TENM4: variants seen among roughly 807,000 people sequenced by gnomAD.
TENM4 encodes the protein teneurin-4.
In TENM4, 82 loss-of-function variants were observed where a neutral mutation model predicts 243.3. The ratio of observed to expected loss-of-function variants is 0.34; its 90% confidence interval spans 0.28 to 0.40. TENM4 has a LOEUF of 0.40. Ranked by LOEUF, TENM4 falls within the 10% of genes least tolerant of loss-of-function variation. The pLI is 1.00. For synonymous variants in TENM4, 1,412 were observed against 1,456.3 expected (o/e 0.97, Z 0.69); for missense variants, 3,138 against 3,673.3 (o/e 0.85, Z 3.77).
rs1010459948 is a variant in TENM4 at position 78,653,845 on chromosome 11, A to G, written c.*4213T>C. On this transcript the variant is annotated 3_prime_UTR_variant, in exon 34 of 34. Transcript: ENST00000278550. ...CTCGCCTGGGCCTTCCCACACTCTG[A>G]TATTCCACATTCGTAATGAAACCTA... 1 of 152,282 alleles carries G rather than the reference A, an allele frequency of 6.6e-6. No homozygotes were observed. Among genetic ancestry groups the G allele is most frequent in the African/African-American group, 2.4e-5 (1 of 41,458 alleles). The allele number at this position is 152,282 out of a possible 1,614,324, so 9.4% of individuals were successfully genotyped here. A position where few individuals can be genotyped will look rare whatever the true frequency, so the allele number is the denominator to read the frequency against.
chr11:79,154,430 C>T (rs1008771609), intron 3 of TENM4, among the ~76,000 whole-genome samples: 1 of 152,168 alleles, frequency 6.6e-6, no homozygotes, highest in Non-Finnish European at 1.5e-5. Context: ...ACACCTCCCA[C>T]TAGGCCCACC....
intron 1 of TENM4, among the ~76,000 whole-genome samples, chr11:79,436,443 C>T (rs1859272454): frequency 6.6e-6 from 1 of 152,166 alleles, no homozygotes; most frequent in Non-Finnish European, 1.5e-5. Flanking sequence ...TGCCTAAGGC[C>T]ACAGAGCCAT....
At chr11:79,054,430 G>C (rs895001518) in intron 6 of TENM4, among the ~76,000 whole-genome samples, 2 of 152,070 alleles carry the variant, frequency 1.3e-5, no homozygotes, top group African/African-American at 4.8e-5. Context: ...GAATCATGGA[G>C]TTTTTGAGCT....
At chr11:79,052,945 G>A (rs1287290461) in intron 6 of TENM4, among the ~76,000 whole-genome samples, 1 of 152,182 alleles carries the variant, frequency 6.6e-6, no homozygotes. Flanking sequence ...TGGCAAGCAT[G>A]GTAACACATC....
intron 3 of TENM4, among the ~76,000 whole-genome samples, chr11:79,211,249 T>C (rs1447927169): frequency 6.6e-6 from 1 of 151,810 alleles, no homozygotes; most frequent in Admixed American, 6.6e-5. Flanking sequence ...AGGCCTAAGG[T>C]CTCCCTACAG....
In TENM4 at chr11:79,024,569, C is replaced by T. The variant is rs530291316; in HGVS notation, c.493+40169G>A. On this transcript the variant is annotated intron_variant, in intron 6 of 33. Transcript: ENST00000278550. ...TCAGATATATGGCCTTGTACTCTCT[C>T]ATTCCCTGCCTAGATCATCTGTGTA... 3.3e-5 allele frequency among the ~76,000 whole-genome samples: 5 copies of T among 152,310 alleles called. No homozygotes were observed. In the South Asian group the frequency reaches 1.0e-3, roughly 32 times the overall value.
At chr11:78,661,212 G>A (rs544018888) in intron 33 of TENM4, among the ~76,000 whole-genome samples, 33 of 152,318 alleles carry the variant, frequency 2.2e-4, no homozygotes, top group Non-Finnish European at 3.1e-4. Flanking sequence ...TCCAAACTCA[G>A]TGTAACACAC....
chr11:79,378,842 CA>C (rs1857943501), intron 1 of TENM4, among the ~76,000 whole-genome samples: 1 of 147,678 alleles, frequency 6.8e-6, no homozygotes, highest in Admixed American at 6.8e-5. Flanking sequence ...ATGATTGCAC[CA>C]ATGCACTCCA....
At chr11:78,688,286 G>C in intron 28 of TENM4, 60 bp from the exon 29 acceptor site, 1 of 1,544,362 alleles carries the variant, frequency 6.5e-7, no homozygotes, top group South Asian at 1.3e-5. Flanking sequence ...GCTGGAACTT[G>C]GTGCATTCTA....
intron 12 of TENM4, among the ~76,000 whole-genome samples, chr11:78,852,590 G>A (rs994873507): frequency 6.6e-6 from 1 of 152,160 alleles, no homozygotes; most frequent in African/African-American, 2.4e-5. Flanking sequence ...GGCCAAGGCA[G>A]GAGGATCACC....
chr11:78,726,022 G>A (rs1484974961), intron 23 of TENM4, 57 bp downstream of exon 23: 3 of 1,602,772 alleles, frequency 1.9e-6, no homozygotes, highest in Non-Finnish European at 1.7e-6. Context: ...GGGCACAAGG[G>A]ATATGAGACA....
intron 1 of TENM4, among the ~76,000 whole-genome samples, chr11:79,316,407 T>A (rs1026929739): frequency 6.6e-6 from 1 of 152,090 alleles, no homozygotes; most frequent in Non-Finnish European, 1.5e-5. Flanking sequence ...GAATATCAAA[T>A]GATGGAAGGA....
At chr11:78,985,078 G>T (rs1378800108) in intron 6 of TENM4, among the ~76,000 whole-genome samples, 2 of 152,018 alleles carry the variant, frequency 1.3e-5, no homozygotes, top group African/African-American at 4.8e-5. Context: ...TGTAAAATGG[G>T]GATAAAAATG....
Position 78,845,988 on chromosome 11 carries a change from A to G in TENM4, c.1681+8116T>C, listed in dbSNP as rs370146728. On this transcript the variant is annotated intron_variant, in intron 12 of 33. Coordinates refer to ENST00000278550, the MANE Select transcript of TENM4 (RefSeq NM_001098816.3). ...GTGGCCAGCACACTGTGAGCCTAGG[A>G]GGTGTGATGCCATGGTCTCTAAGAC... is the stretch of plus-strand genomic sequence containing the variant. 5.9e-5 allele frequency among the ~76,000 whole-genome samples: 9 copies of G among 152,270 alleles called. No individual in the cohort carries two copies. In the South Asian group the frequency reaches 1.2e-3, roughly 21 times the overall value.
chr11:78,672,376 G>A (rs774471216), intron 30 of TENM4, 47 bp from the exon 31 acceptor site: 14 of 1,573,736 alleles, frequency 8.9e-6, no homozygotes, highest in Non-Finnish European at 1.2e-5. Context: ...TGGACCATGA[G>A]AACTTTGGTC....
In TENM4 at chr11:78,854,093, G is replaced by A. The variant is rs868656202; in HGVS notation, c.1681+11C>T. 1 of 1,550,400 alleles carries A rather than the reference G, an allele frequency of 6.4e-7. No individual in the cohort carries two copies. The highest frequency in any genetic ancestry group is 8.7e-7 in the Non-Finnish European group (1 of 1,146,166). On this transcript the variant is annotated intron_variant, in intron 12 of 33. Coordinates refer to ENST00000278550, the MANE Select transcript of TENM4 (RefSeq NM_001098816.3). ...ATATCCCACAGCCCCCAGAGGGTGTGGCTCCCTTACCAATGGCAGTGGTGA... is the reference window on the plus strand; with the variant it reads ...ATATCCCACAGCCCCCAGAGGGTGTAGCTCCCTTACCAATGGCAGTGGTGA...
At chr11:78,984,349 C>T (rs1202235611) in intron 6 of TENM4, among the ~76,000 whole-genome samples, 1 of 152,172 alleles carries the variant, frequency 6.6e-6, no homozygotes, top group African/African-American at 2.4e-5. Flanking sequence ...GGGCTAGATA[C>T]CCTCGAGAGT....
intron 2 of TENM4, among the ~76,000 whole-genome samples, chr11:79,231,469 T>C (rs1290182711): frequency 6.6e-6 from 1 of 152,096 alleles, no homozygotes; most frequent in African/African-American, 2.4e-5. Flanking sequence ...TATTTACTTA[T>C]CACCTATCAT....
intron 15 of TENM4, among the ~76,000 whole-genome samples, chr11:78,800,124 T>C (rs952904756): frequency 6.6e-6 from 1 of 152,228 alleles, no homozygotes; most frequent in Non-Finnish European, 1.5e-5. Context: ...TTTCCAATTC[T>C]AAGGACCATC....
Sources: gnomAD v4.1 joint callset for allele counts (sites outside exome capture counted in the v4.1 genomes callset) on GRCh38, gnomAD v4.1.1 for gene constraint, MANE v1.5 for transcripts, NCBI Gene and HGNC (gene_info 2026-07-23, HGNC 2026-07-21) for gene names.